Variants in EPHA3 observed in about 807,000 individuals in gnomAD.
EPHA3 encodes the protein EPH receptor A3.
In EPHA3, 42 loss-of-function variants were observed where a neutral mutation model predicts 107.1. The observed-to-expected ratio is 0.39, with a 90% CI of 0.31 to 0.51. The LOEUF (loss-of-function observed/expected upper bound fraction) is 0.51, where lower values mean the gene tolerates loss of function less well. EPHA3 is among the 20% of genes least tolerant of loss of function. The pLI, the probability that EPHA3 is intolerant of heterozygous loss-of-function variation, is 0.78. For synonymous variants in EPHA3, 461 were observed against 424.8 expected (o/e 1.09, Z -1.05); for missense variants, 1,183 against 1,211.2 (o/e 0.98, Z 0.35).
intron 3 of EPHA3, among the ~76,000 whole-genome samples, chr3:89,214,889 C>T (rs1704187919): frequency 6.6e-6 from 1 of 151,890 alleles, no homozygotes; most frequent in African/African-American, 2.4e-5. Flanking sequence ...AAGCAAACAA[C>T]TGCAATGCAA....
At position 89,419,405 on chromosome 3, in the gene EPHA3, C is replaced by G; in HGVS notation, c.2074+15C>G. The G allele has an allele frequency of 6.4e-7, 1 of 1,563,964 alleles. No homozygotes were observed. On this transcript the variant is annotated intron_variant, in intron 11 of 16. Transcript: ENST00000336596. ...TGTTACCAAAAGTAAGTAAAGTAGT[C>G]ATAAGACCTGTGTTTCCGTATGTTG... is the stretch of plus-strand genomic sequence containing the variant.
At chr3:89,223,869 G>A (rs9879028) in intron 3 of EPHA3, among the ~76,000 whole-genome samples, 74,839 of 151,808 alleles carry the variant, frequency 0.49, 19,528 homozygotes, top group East Asian at 0.68. Context: ...ATATAGTAAC[G>A]AATTTTTTAA....
chr3:89,334,543 TTTAAATGAGGAAA>T (rs1298580006), intron 3 of EPHA3, among the ~76,000 whole-genome samples: 2 of 152,222 alleles, frequency 1.3e-5, no homozygotes. Context: ...TCTGTCATTT[TTTAAATGAGGAAA>T]TTGAAGTCCT....
chr3:89,406,743 G>T (rs1198330940), intron 7 of EPHA3, among the ~76,000 whole-genome samples: 1 of 152,120 alleles, frequency 6.6e-6, no homozygotes, highest in Admixed American at 6.6e-5. Context: ...ATTTGTCTAG[G>T]TGAATAAATG....
At chr3:89,419,732 A>G (rs1391522917) in intron 11 of EPHA3, among the ~76,000 whole-genome samples, 6 of 151,466 alleles carry the variant, frequency 4.0e-5, no homozygotes, top group Admixed American at 1.3e-4. Flanking sequence ...CAAGCTTGAC[A>G]GGAACTCCCA....
At chr3:89,259,488 G>A (rs1455034757) in intron 3 of EPHA3, among the ~76,000 whole-genome samples, 1 of 152,176 alleles carries the variant, frequency 6.6e-6, no homozygotes, top group Non-Finnish European at 1.5e-5. Context: ...TGAAATGTCT[G>A]CACTGGAAGT....
At chr3:89,237,170 T>A (rs550375477) in intron 3 of EPHA3, among the ~76,000 whole-genome samples, 4 of 152,220 alleles carry the variant, frequency 2.6e-5, no homozygotes, top group African/African-American at 9.6e-5. Flanking sequence ...AAGACCAGCC[T>A]GGCCAACAGG....
chr3:89,429,639 G>T (rs1709524223), intron 12 of EPHA3, among the ~76,000 whole-genome samples: 1 of 152,018 alleles, frequency 6.6e-6, no homozygotes, highest in South Asian at 2.1e-4. Flanking sequence ...ATATCATTTT[G>T]CTGTTAGATA....
chr3:89,134,175 T>G (rs1314961534), intron 2 of EPHA3, among the ~76,000 whole-genome samples: 1 of 151,928 alleles, frequency 6.6e-6, no homozygotes, highest in East Asian at 1.9e-4. Flanking sequence ...GAGAATCAGC[T>G]TCTATGATCA....
intron 1 of EPHA3, among the ~76,000 whole-genome samples, chr3:89,114,479 A>G (rs568888395): frequency 6.6e-6 from 1 of 152,258 alleles, no homozygotes; most frequent in South Asian, 2.1e-4. Flanking sequence ...TCATAAAAAA[A>G]CATCTCCGGG....
chr3:89,129,599 A>AT (rs944326064), intron 2 of EPHA3, among the ~76,000 whole-genome samples: 3 of 122,272 alleles, frequency 2.5e-5, no homozygotes, highest in Admixed American at 7.9e-5. Flanking sequence ...AAAACATTAG[A>AT]TTGTTTTTTT....
intron 3 of EPHA3, among the ~76,000 whole-genome samples, chr3:89,331,270 G>A (rs899925328): frequency 1.7e-4 from 26 of 152,156 alleles, no homozygotes; most frequent in African/African-American, 6.3e-4. Flanking sequence ...TCGTTTTTAA[G>A]TTTATGAAAT....
At chr3:89,240,329 A>G (rs1194275025) in intron 3 of EPHA3, among the ~76,000 whole-genome samples, 1 of 152,184 alleles carries the variant, frequency 6.6e-6, no homozygotes, top group African/African-American at 2.4e-5. Context: ...GGGAAAAAGC[A>G]TAATTAATGC....
At chr3:89,127,060 C>T in intron 1 of EPHA3, 149 bp from the exon 2 acceptor site, 3 of 614,488 alleles carry the variant, frequency 4.9e-6, no homozygotes, top group East Asian at 3.0e-5. Context: ...TTGTAATTTC[C>T]TTCTTTTTAT....
At chr3:89,475,429 ATTTCACATTCAAAT>A (rs1188121909) in intron 16 of EPHA3, among the ~76,000 whole-genome samples, 26 of 152,334 alleles carry the variant, frequency 1.7e-4, no homozygotes, top group African/African-American at 5.8e-4. Context: ...GATCAATAAA[ATTTCACATTCAAAT>A]GCATATTAAT....
intron 2 of EPHA3, among the ~76,000 whole-genome samples, chr3:89,191,161 A>G (rs7635321): frequency 0.17 from 25,284 of 152,078 alleles, 2,203 homozygotes; most frequent in African/African-American, 0.22. Context: ...AAAATGGATG[A>G]ATACATTTGA....
intron 3 of EPHA3, among the ~76,000 whole-genome samples, chr3:89,280,420 T>C (rs1294114484): frequency 6.6e-6 from 1 of 152,132 alleles, no homozygotes; most frequent in Non-Finnish European, 1.5e-5. Context: ...TTAGGCAAAG[T>C]GTGGCACAGT....
chr3:89,335,889 G>C (rs1214939926), intron 3 of EPHA3, among the ~76,000 whole-genome samples: 1 of 152,122 alleles, frequency 6.6e-6, no homozygotes, highest in Non-Finnish European at 1.5e-5. Context: ...GATTACCTGA[G>C]GGAAGACGTA....
intron 2 of EPHA3, among the ~76,000 whole-genome samples, chr3:89,178,521 G>C (rs1249222120): frequency 4.0e-5 from 6 of 151,752 alleles, no homozygotes; most frequent in Admixed American, 3.3e-4. Flanking sequence ...TAGTCCTTGG[G>C]GAATAATAGC....
Sources: gnomAD v4.1 joint callset for allele counts (sites outside exome capture counted in the v4.1 genomes callset) on GRCh38, gnomAD v4.1.1 for gene constraint, MANE v1.5 for transcripts, NCBI Gene and HGNC (gene_info 2026-07-23, HGNC 2026-07-21) for gene names.